Variants in PCP4 observed in about 807,000 individuals in gnomAD.
PCP4 encodes calmodulin regulator protein PCP4.
Under a neutral mutation model 10.0 loss-of-function variants are expected in PCP4, and 8 were observed. The ratio of observed to expected loss-of-function variants is 0.80; its 90% CI spans 0.47 to 1.45. The LOEUF (loss-of-function observed/expected upper bound fraction) is 1.45, where lower values mean the gene tolerates loss of function less well. Ranked by LOEUF, PCP4 falls within the 40% of genes most tolerant of loss-of-function variation. The pLI, the probability that PCP4 is intolerant of heterozygous loss-of-function variation, is 0.00. For synonymous variants in PCP4, 21 were observed against 23.0 expected (o/e 0.91, Z 0.24); for missense variants, 54 against 74.4 (o/e 0.73, Z 1.01).
At chr21:39,874,441 GAC>G (rs2087334821) in intron 1 of PCP4, among the ~76,000 whole-genome samples, 1 of 152,152 alleles carries the variant, frequency 6.6e-6, no homozygotes, top group African/African-American at 2.4e-5. Flanking sequence ...CATGACAAAA[GAC>G]ACAGTCATCT....
intron 2 of PCP4, among the ~76,000 whole-genome samples, chr21:39,908,045 T>C (rs1480127287): frequency 6.6e-6 from 1 of 152,192 alleles, no homozygotes; most frequent in East Asian, 1.9e-4. Flanking sequence ...TATTATACGA[T>C]AAGTGATTGC....
intron 2 of PCP4, among the ~76,000 whole-genome samples, chr21:39,899,699 A>T (rs1349247832): frequency 3.3e-5 from 5 of 152,188 alleles, no homozygotes; most frequent in Non-Finnish European, 7.3e-5. Flanking sequence ...AAGGTTTTCC[A>T]TGAGGCCAAT....
chr21:39,909,578 G>A (rs16998881), intron 2 of PCP4, among the ~76,000 whole-genome samples: 1,819 of 152,192 alleles, frequency 0.012, 43 homozygotes, highest in African/African-American at 0.041. Context: ...GTGGAATGGT[G>A]TAGAACTGTG....
rs73907622 is a variant in PCP4 at position 39,897,515 on chromosome 21, T to C, written c.10-961T>C. 8.6e-4 allele frequency among the ~76,000 whole-genome samples: 131 copies of C among 152,192 alleles called. 1 individual carries two copies. Among genetic ancestry groups the C allele is most frequent in the African/African-American group, 3.0e-3 (124 of 41,530 alleles). ...TTCTCTCTCCATAACTAGAACCACG[T>C]TAAGCTTTGAGGAAACACCCTTTCT... On this transcript the variant is annotated intron_variant, in intron 1 of 2. Coordinates refer to ENST00000328619, the MANE Select transcript of PCP4 (RefSeq NM_006198.3).
chr21:39,881,805 A>C (rs932180871), intron 1 of PCP4, among the ~76,000 whole-genome samples: 3 of 152,222 alleles, frequency 2.0e-5, no homozygotes, highest in African/African-American at 4.8e-5. Context: ...GGGGGCGTCC[A>C]AGTCAGGTTT....
chr21:39,887,365 T>G (rs1229629133), intron 1 of PCP4, among the ~76,000 whole-genome samples: 2 of 151,804 alleles, frequency 1.3e-5, no homozygotes, highest in Non-Finnish European at 2.9e-5. Flanking sequence ...GGTTTTTTTT[T>G]TTTTAAAAAA....
At chr21:39,899,333 A>G (rs532358385) in intron 2 of PCP4, among the ~76,000 whole-genome samples, 2 of 152,336 alleles carry the variant, frequency 1.3e-5, no homozygotes, top group East Asian at 1.9e-4. Context: ...TGTTAACTCA[A>G]GATGAACTCT....
intron 2 of PCP4, among the ~76,000 whole-genome samples, chr21:39,901,282 C>T (rs186814880): frequency 6.6e-6 from 1 of 152,282 alleles, no homozygotes; most frequent in East Asian, 1.9e-4. Context: ...CTTTTGGGCT[C>T]CCTTAAAGGA....
chr21:39,875,261 G>GC (rs2087339266), intron 1 of PCP4, among the ~76,000 whole-genome samples: 1 of 149,624 alleles, frequency 6.7e-6, no homozygotes. Context: ...TTTTCTCACA[G>GC]TTTTTTTTTT....
At chr21:39,895,942 A>G (rs1418192497) in intron 1 of PCP4, among the ~76,000 whole-genome samples, 1 of 152,228 alleles carries the variant, frequency 6.6e-6, no homozygotes, top group Non-Finnish European at 1.5e-5. Context: ...GATACTTTCA[A>G]TACTTTCAAT....
At chr21:39,892,788 T>C (rs564892135) in intron 1 of PCP4, among the ~76,000 whole-genome samples, 2 of 152,302 alleles carry the variant, frequency 1.3e-5, no homozygotes, top group East Asian at 3.9e-4. Flanking sequence ...TGCTATCAAA[T>C]AGCAGGTCTT....
At chr21:39,875,825 C>T (rs930745554) in intron 1 of PCP4, among the ~76,000 whole-genome samples, 5 of 152,006 alleles carry the variant, frequency 3.3e-5, no homozygotes, top group South Asian at 2.1e-4. Flanking sequence ...TGTATACATG[C>T]GAATATGCCA....
chr21:39,898,276 G>A (rs1568855888), intron 1 of PCP4, 200 bp from the exon 2 acceptor site: 5 of 636,298 alleles, frequency 7.9e-6, no homozygotes, highest in Non-Finnish European at 1.4e-5. Flanking sequence ...GTGGATGAGG[G>A]GGCCGGTCTG....
intron 1 of PCP4, among the ~76,000 whole-genome samples, chr21:39,884,958 A>G (rs1352798195): frequency 6.6e-6 from 1 of 152,224 alleles, no homozygotes; most frequent in Non-Finnish European, 1.5e-5. Context: ...GATGCAAGGT[A>G]TTTACACCGT....
intron 1 of PCP4, among the ~76,000 whole-genome samples, chr21:39,876,324 G>A (rs2087345532): frequency 6.6e-6 from 1 of 151,972 alleles, no homozygotes; most frequent in African/African-American, 2.4e-5. Flanking sequence ...ACCTCTATCA[G>A]TTTGACTACT....
intron 2 of PCP4, among the ~76,000 whole-genome samples, chr21:39,913,903 G>A (rs529994256): frequency 3.3e-5 from 5 of 152,276 alleles, no homozygotes; most frequent in African/African-American, 1.2e-4. Context: ...TAGAAGCTCA[G>A]GGTGAAGAGC....
At chr21:39,917,029 T>A (rs1371126356) in intron 2 of PCP4, among the ~76,000 whole-genome samples, 1 of 152,168 alleles carries the variant, frequency 6.6e-6, no homozygotes, top group Non-Finnish European at 1.5e-5. Flanking sequence ...CAGATCACCA[T>A]GGCACACGTT....
At chr21:39,920,593 GAAAC>G (rs1177911235) in intron 2 of PCP4, among the ~76,000 whole-genome samples, 1 of 152,146 alleles carries the variant, frequency 6.6e-6, no homozygotes, top group Admixed American at 6.5e-5. Flanking sequence ...CATCAACTGG[GAAAC>G]AAACAGATTT....
chr21:39,878,038 T>C (rs1056158658), intron 1 of PCP4, among the ~76,000 whole-genome samples: 3 of 152,008 alleles, frequency 2.0e-5, no homozygotes, highest in Non-Finnish European at 4.4e-5. Context: ...CTATACCGTT[T>C]CATCTTCCCA....
Sources: gnomAD v4.1 joint callset for allele counts (sites outside exome capture counted in the v4.1 genomes callset) on GRCh38, gnomAD v4.1.1 for gene constraint, MANE v1.5 for transcripts, NCBI Gene and HGNC (gene_info 2026-07-23, HGNC 2026-07-21) for gene names.